Variants in VPS37A observed in about 807,000 individuals in gnomAD.
VPS37A encodes VPS37A subunit of ESCRT-I.
In VPS37A, 30 loss-of-function variants were observed where a neutral mutation model predicts 49.8. That is an observed-to-expected ratio of 0.60 (90% CI 0.45 to 0.82). The LOEUF is 0.82. Ranked by LOEUF, VPS37A falls within the 40% of genes least tolerant of loss-of-function variation. The pLI is 0.00. For missense variants in VPS37A, 593 were observed against 464.4 expected, an observed-to-expected ratio of 1.28 and a Z score of -2.55; for synonymous variants, 195 against 160.6, an observed-to-expected ratio of 1.21 and a Z score of -1.62.
intron 1 of VPS37A, chr8:17,248,122 A>G (rs1811527513): frequency 5.6e-6 from 2 of 358,880 alleles, no homozygotes; most frequent in South Asian, 2.2e-5. Context: ...AGCCTTTTAC[A>G]TTGCAAATGT....
At chr8:17,278,788 G>T (rs1814762575) in intron 6 of VPS37A, among the ~76,000 whole-genome samples, 1 of 151,228 alleles carries the variant, frequency 6.6e-6, no homozygotes, top group Admixed American at 6.6e-5. Flanking sequence ...TTTTTCTCTG[G>T]GTGTTGATAT....
At chr8:17,263,946 GACAA>G (rs1327328881) in intron 1 of VPS37A, among the ~76,000 whole-genome samples, 2 of 152,178 alleles carry the variant, frequency 1.3e-5, no homozygotes, top group East Asian at 3.9e-4. Context: ...GTGTCAAAAA[GACAA>G]ACAAAAAACT....
the VPS37A span, among the ~76,000 whole-genome samples, chr8:17,332,361 A>G: frequency 6.6e-6 from 1 of 152,262 alleles, no homozygotes; most frequent in Non-Finnish European, 1.5e-5. Flanking sequence ...GTACCAGCAC[A>G]TAAAAATAGA....
intron 1 of VPS37A, among the ~76,000 whole-genome samples, chr8:17,265,545 G>T (rs1813368880): frequency 6.6e-6 from 1 of 152,228 alleles, no homozygotes; most frequent in Admixed American, 6.5e-5. Flanking sequence ...CTTAATAGTG[G>T]CAGTTAAAAC....
intron 1 of VPS37A, among the ~76,000 whole-genome samples, chr8:17,252,966 C>G (rs1298074292): frequency 6.6e-6 from 1 of 152,130 alleles, no homozygotes; most frequent in Non-Finnish European, 1.5e-5. Context: ...AAAACTTTGA[C>G]ACATTAAATT....
At chr8:17,305,729 TA>T, downstream of VPS37A, 2 of 1,563,868 alleles carry the variant, frequency 1.3e-6, no homozygotes, top group Non-Finnish European at 1.7e-6. Flanking sequence ...AAATAAAAGT[TA>T]AACACCAAAA....
intron 1 of VPS37A, among the ~76,000 whole-genome samples, chr8:17,258,095 A>G (rs1009338035): frequency 2.6e-5 from 4 of 152,130 alleles, no homozygotes; most frequent in African/African-American, 9.7e-5. Context: ...TCATCCGCGA[A>G]CAAGGCTAAT....
intron 11 of VPS37A, among the ~76,000 whole-genome samples, chr8:17,289,077 T>C (rs1815896551): frequency 6.6e-6 from 1 of 152,228 alleles, no homozygotes; most frequent in African/African-American, 2.4e-5. Flanking sequence ...TCTTGTAAAT[T>C]TAAGTTCCTT....
At chr8:17,312,832 G>C in the VPS37A span, among the ~76,000 whole-genome samples, 2 of 152,178 alleles carry the variant, frequency 1.3e-5, no homozygotes, top group Non-Finnish European at 2.9e-5. Flanking sequence ...CAACACAAAA[G>C]ACATTGCATT....
chr8:17,332,574 G>A, the VPS37A span, among the ~76,000 whole-genome samples: 48 of 152,298 alleles, frequency 3.2e-4, 1 homozygote, highest in Middle Eastern at 3.4e-3. Flanking sequence ...TGAAAATGCC[G>A]TAAGTGAAAA....
chr8:17,290,804 G>A (rs113168022), intron 11 of VPS37A, among the ~76,000 whole-genome samples: 1 of 152,108 alleles, frequency 6.6e-6, no homozygotes, highest in Non-Finnish European at 1.5e-5. Context: ...AATCAGTCTG[G>A]TACTGGGCTT....
At chr8:17,264,796 C>T (rs1813291500) in intron 1 of VPS37A, among the ~76,000 whole-genome samples, 1 of 152,132 alleles carries the variant, frequency 6.6e-6, no homozygotes, top group African/African-American at 2.4e-5. Flanking sequence ...TGCAACCTCA[C>T]CTCATTAATA....
chr8:17,274,732 G>C lies in VPS37A; in HGVS notation c.417-1G>C. The C allele has an allele frequency of 6.2e-7, 1 of 1,609,788 alleles. No individual in the cohort carries two copies. Among genetic ancestry groups the C allele is most frequent in the Non-Finnish European group, 8.5e-7 (1 of 1,176,802 alleles). On this transcript the variant is annotated splice_acceptor_variant, in intron 4 of 11. Coordinates refer to ENST00000324849, the MANE Select transcript of VPS37A (RefSeq NM_152415.3). LOFTEE classifies it high-confidence loss of function. ...TAATGATCTTCTCTTTTTCTTTTCAGTCTATACAGTAACCCAAGTGGGATG... is the reference window on the plus strand; with the variant it reads ...TAATGATCTTCTCTTTTTCTTTTCACTCTATACAGTAACCCAAGTGGGATG...
At chr8:17,290,408 C>T (rs909532182) in intron 11 of VPS37A, among the ~76,000 whole-genome samples, 9 of 152,106 alleles carry the variant, frequency 5.9e-5, no homozygotes, top group Non-Finnish European at 1.3e-4. Context: ...TGAATTTTAT[C>T]GAAGGCCTTT....
At chr8:17,274,192 C>G (rs1253077919) in intron 4 of VPS37A, among the ~76,000 whole-genome samples, 1 of 152,176 alleles carries the variant, frequency 6.6e-6, no homozygotes, top group Non-Finnish European at 1.5e-5. Context: ...TGCTGTGTGA[C>G]TCTAATATAC....
At chr8:17,315,916 G>C in the VPS37A span, among the ~76,000 whole-genome samples, 460 of 152,316 alleles carry the variant, frequency 3.0e-3, 5 homozygotes, top group Non-Finnish European at 4.2e-3. Flanking sequence ...GGGAGGCTGA[G>C]TTGAGAGGAT....
intron 1 of VPS37A, among the ~76,000 whole-genome samples, chr8:17,264,194 G>T (rs1489354130): frequency 6.6e-6 from 1 of 152,068 alleles, no homozygotes; most frequent in East Asian, 1.9e-4. Flanking sequence ...GTAAAGACAG[G>T]ATTTGAACCC....
the VPS37A span, among the ~76,000 whole-genome samples, chr8:17,319,779 T>C: frequency 6.6e-6 from 1 of 152,204 alleles, no homozygotes. Flanking sequence ...GGCTCCAGTC[T>C]GGCTCTTAAT....
At chr8:17,269,641 A>G (rs1338522989) in intron 4 of VPS37A, among the ~76,000 whole-genome samples, 1 of 151,888 alleles carries the variant, frequency 6.6e-6, no homozygotes, top group Non-Finnish European at 1.5e-5. Flanking sequence ...ATTCTGAGTT[A>G]CTCTCTATAA....
Sources: gnomAD v4.1 joint callset for allele counts (sites outside exome capture counted in the v4.1 genomes callset) on GRCh38, gnomAD v4.1.1 for gene constraint, MANE v1.5 for transcripts, NCBI Gene and HGNC (gene_info 2026-07-23, HGNC 2026-07-21) for gene names.